The following REC114 variants were observed in gnomAD, a reference collection of about 807,000 sequenced individuals.
REC114 encodes meiotic recombination protein REC114.
In REC114, 27 loss-of-function variants were observed where a neutral mutation model predicts 31.3. The observed-to-expected ratio is 0.86, with a 90% CI of 0.64 to 1.19. REC114 has a LOEUF of 1.19. Ranked by LOEUF, REC114 falls within the 50% of genes most tolerant of loss-of-function variation. The probability of loss-of-function intolerance (pLI) is 0.00; values close to 1 mark genes in which losing one functional copy is unlikely to be tolerated. For synonymous variants in REC114, 134 were observed against 127.7 expected (o/e 1.05, Z -0.33); for missense variants, 344 against 326.9 (o/e 1.05, Z -0.40).
At chr15:73,535,255 C>T (rs1485197202) in intron 2 of REC114, among the ~76,000 whole-genome samples, 5 of 150,800 alleles carry the variant, frequency 3.3e-5, no homozygotes, top group African/African-American at 9.9e-5. Flanking sequence ...TGTTTGCAGA[C>T]GACGTGATTG....
chr15:73,550,246 T>C (rs1422421311), intron 3 of REC114, among the ~76,000 whole-genome samples: 4 of 152,350 alleles, frequency 2.6e-5, no homozygotes, highest in African/African-American at 9.6e-5. Context: ...CTTAGATGTT[T>C]TTATACTTGT....
At chr15:73,460,586 A>G (rs1194655569) in intron 1 of REC114, among the ~76,000 whole-genome samples, 2 of 152,222 alleles carry the variant, frequency 1.3e-5, no homozygotes, top group African/African-American at 4.8e-5. Flanking sequence ...TTGTGAATGA[A>G]TAGAAGAGCA....
intron 2 of REC114, among the ~76,000 whole-genome samples, chr15:73,533,689 A>G (rs1354328022): frequency 6.8e-6 from 1 of 146,226 alleles, no homozygotes; most frequent in Non-Finnish European, 1.5e-5. Context: ...AAGCGGACCT[A>G]ATAGACATCT....
At chr15:73,473,456 T>G (rs1273935244) in intron 1 of REC114, among the ~76,000 whole-genome samples, 3 of 152,058 alleles carry the variant, frequency 2.0e-5, no homozygotes, top group Non-Finnish European at 4.4e-5. Context: ...TGTGAAGTCT[T>G]ACAGCAACTC....
At chr15:73,472,798 A>G (rs1893151244) in intron 1 of REC114, among the ~76,000 whole-genome samples, 1 of 152,144 alleles carries the variant, frequency 6.6e-6, no homozygotes, top group Non-Finnish European at 1.5e-5. Flanking sequence ...ATCTAACAAG[A>G]TAAAATATAA....
intron 1 of REC114, among the ~76,000 whole-genome samples, chr15:73,462,821 C>T (rs896956072): frequency 2.0e-4 from 30 of 147,172 alleles, no homozygotes; most frequent in African/African-American, 7.4e-4. Flanking sequence ...GGAGGCGGAG[C>T]TTGCCCTGAG....
intron 2 of REC114, among the ~76,000 whole-genome samples, chr15:73,493,450 G>A (rs1303064378): frequency 6.6e-6 from 1 of 151,892 alleles, no homozygotes; most frequent in African/African-American, 2.4e-5. Context: ...TGTATCTTGA[G>A]GGTTAAGTTT....
chr15:73,557,654 A>G lies in REC114; in HGVS notation c.636+1263A>G, dbSNP rs78696876. On this transcript the variant is annotated intron_variant, in intron 5 of 5. Coordinates refer to ENST00000331090, the MANE Select transcript of REC114 (RefSeq NM_001042367.2). The stretch of plus-strand genomic sequence containing the variant: ...GAATCAGAGAAGCTGAGGAAAACAG[A>G]GCTGCAATAAAACAATAAGCAAGGC... 4.0e-3 allele frequency among the ~76,000 whole-genome samples: 606 copies of G among 152,320 alleles called. 5 individuals are homozygous for G. Among genetic ancestry groups the G allele is most frequent in the African/African-American group, 0.014 (589 of 41,584 alleles).
chr15:73,464,050 A>G (rs1338867441), intron 1 of REC114, among the ~76,000 whole-genome samples: 2 of 151,956 alleles, frequency 1.3e-5, no homozygotes, highest in African/African-American at 2.4e-5. Context: ...TATTTTTTCA[A>G]TCAGTTCCTT....
At chr15:73,523,939 G>T (rs1893972426) in intron 2 of REC114, among the ~76,000 whole-genome samples, 1 of 152,120 alleles carries the variant, frequency 6.6e-6, no homozygotes, top group Admixed American at 6.6e-5. Context: ...ACCATTTTTT[G>T]AAGAGATTGT....
chr15:73,455,412 T>C (rs1206690543), intron 1 of REC114, among the ~76,000 whole-genome samples: 1 of 152,166 alleles, frequency 6.6e-6, no homozygotes, highest in African/African-American at 2.4e-5. Flanking sequence ...TTTCTGATTA[T>C]AGGAGAATCT....
intron 2 of REC114, among the ~76,000 whole-genome samples, chr15:73,511,490 T>C (rs1893768702): frequency 6.6e-6 from 1 of 152,260 alleles, no homozygotes; most frequent in South Asian, 2.1e-4. Flanking sequence ...TGCTAGCTTT[T>C]GAATGTGTTT....
At chr15:73,557,363 C>T (rs1372499953) in intron 5 of REC114, among the ~76,000 whole-genome samples, 2 of 150,354 alleles carry the variant, frequency 1.3e-5, no homozygotes, top group Non-Finnish European at 3.0e-5. Context: ...AGCCACTATG[C>T]CCGGCCACAT....
chr15:73,544,770 T>C (rs1320647126), intron 3 of REC114, among the ~76,000 whole-genome samples: 1 of 152,198 alleles, frequency 6.6e-6, no homozygotes, highest in African/African-American at 2.4e-5. Context: ...GTTTAAGACC[T>C]TTTTCTGTAC....
At chr15:73,475,002 T>C (rs1481416835) in intron 2 of REC114, among the ~76,000 whole-genome samples, 12 of 152,228 alleles carry the variant, frequency 7.9e-5, no homozygotes, top group Non-Finnish European at 1.8e-4. Context: ...TCTGCATCAG[T>C]TGCAAGAGAT....
At chr15:73,505,191 G>A (rs529956723) in intron 2 of REC114, among the ~76,000 whole-genome samples, 2 of 152,244 alleles carry the variant, frequency 1.3e-5, no homozygotes, top group South Asian at 4.1e-4. Flanking sequence ...AAATGTTTAT[G>A]TGCAACCTTA....
intron 5 of REC114, among the ~76,000 whole-genome samples, chr15:73,556,759 AAT>A (rs1006940597): frequency 6.6e-5 from 10 of 152,134 alleles, no homozygotes; most frequent in Admixed American, 4.6e-4. Context: ...TTTTAAGACA[AAT>A]ATCAAAATGA....
At chr15:73,520,081 C>T (rs1893914865) in intron 2 of REC114, among the ~76,000 whole-genome samples, 1 of 152,094 alleles carries the variant, frequency 6.6e-6, no homozygotes, top group South Asian at 2.1e-4. Context: ...TATAATATCA[C>T]TGAACTGTAC....
chr15:73,469,680 CTT>C (rs767748185), intron 1 of REC114, among the ~76,000 whole-genome samples: 2,184 of 118,850 alleles, frequency 0.018, 27 homozygotes, highest in African/African-American at 0.033. Flanking sequence ...GCCTTAGACT[CTT>C]TTTTTTTTTT....
Sources: allele counts gnomAD v4.1 joint callset (sites outside exome capture counted in the v4.1 genomes callset), GRCh38; gene constraint gnomAD v4.1.1; transcripts MANE v1.5; gene names NCBI Gene and HGNC (gene_info 2026-07-23, HGNC 2026-07-21).